Variants in PIK3C2G observed in about 807,000 individuals in gnomAD.
PIK3C2G encodes phosphatidylinositol-4-phosphate 3-kinase catalytic subunit type 2 gamma, also known as phosphatidylinositol 3-kinase C2 domain-containing subunit gamma.
In PIK3C2G, 168 loss-of-function variants were observed where a neutral mutation model predicts 181.1. The observed-to-expected ratio is 0.93, with a 90% confidence interval of 0.82 to 1.05. The LOEUF is 1.05. Ranked by LOEUF, PIK3C2G falls within the 50% of genes least tolerant of loss-of-function variation. PIK3C2G has a pLI of 0.00. For missense variants in PIK3C2G, 1,869 were observed against 1,732.8 expected, an observed-to-expected ratio of 1.08 and a Z score of -1.40; for synonymous variants, 573 against 592.2, an observed-to-expected ratio of 0.97 and a Z score of 0.47.
the PIK3C2G span, among the ~76,000 whole-genome samples, chr12:18,713,174 A>G: frequency 6.8e-3 from 1,040 of 152,274 alleles, 5 homozygotes; most frequent in African/African-American, 0.023. Flanking sequence ...GGGAAGACAC[A>G]TACTATCTGT....
At chr12:18,398,084 G>A (rs1944001596) in intron 15 of PIK3C2G, among the ~76,000 whole-genome samples, 1 of 152,072 alleles carries the variant, frequency 6.6e-6, no homozygotes, top group Non-Finnish European at 1.5e-5. Flanking sequence ...TATTTATCAA[G>A]AGAGAAAAAA....
At chr12:18,696,358 A>G in the PIK3C2G span, 1 of 250,764 alleles carries the variant, frequency 4.0e-6, no homozygotes, top group Non-Finnish European at 6.7e-6. Context: ...ATATCATATA[A>G]TTCTATAATA....
chr12:18,332,976 G>C (rs1021344951), intron 8 of PIK3C2G, among the ~76,000 whole-genome samples: 14 of 152,118 alleles, frequency 9.2e-5, no homozygotes, highest in Non-Finnish European at 1.8e-4. Context: ...CATGTGTCTT[G>C]GGCTTCCTGA....
At chr12:18,693,828 T>A in the PIK3C2G span, 1 of 1,529,938 alleles carries the variant, frequency 6.5e-7, no homozygotes, top group Non-Finnish European at 9.0e-7. Context: ...GGCAGGAAGA[T>A]TGAGTTCCCC....
chr12:18,588,373 A>G (rs1946899314), intron 29 of PIK3C2G, among the ~76,000 whole-genome samples: 2 of 152,028 alleles, frequency 1.3e-5, no homozygotes, highest in South Asian at 4.1e-4. Context: ...TCTAATATGC[A>G]CATCTATAAG....
At chr12:18,493,049 A>G (rs1408055755) in intron 20 of PIK3C2G, 2 of 152,348 alleles carry the variant, frequency 1.3e-5, no homozygotes, top group African/African-American at 4.8e-5. Flanking sequence ...AAACATTTGA[A>G]TCTATCCTCC....
At chr12:18,495,599 A>T (rs1015964147) in intron 20 of PIK3C2G, among the ~76,000 whole-genome samples, 2 of 152,192 alleles carry the variant, frequency 1.3e-5, no homozygotes, top group Non-Finnish European at 2.9e-5. Context: ...CAAATTAGTT[A>T]TAAAGCTTAG....
chr12:18,650,728 A>ATATC (rs1950466710), downstream of PIK3C2G, among the ~76,000 whole-genome samples: 4 of 23,464 alleles, frequency 1.7e-4, no homozygotes, highest in African/African-American at 3.4e-4. Context: ...ATATATATAT[A>ATATC]TATATATATA....
chr12:18,674,907 G>A, the PIK3C2G span, among the ~76,000 whole-genome samples: 1 of 152,126 alleles, frequency 6.6e-6, no homozygotes, highest in Non-Finnish European at 1.5e-5. Flanking sequence ...TGGGGAGAGA[G>A]AGAAGACTAG....
the PIK3C2G span, chr12:18,723,585 A>C: frequency 1.2e-5 from 16 of 1,389,020 alleles, no homozygotes; most frequent in Non-Finnish European, 1.5e-5. Flanking sequence ...TGAGTATAAA[A>C]AATACATAAA....
rs181832159 is a variant in PIK3C2G at position 18,297,100 on chromosome 12, T to C, written c.1034+3085T>C. 2.5e-3 allele frequency among the ~76,000 whole-genome samples: 377 copies of C among 152,164 alleles called. 1 individual carries two copies. The highest frequency in any genetic ancestry group is 8.7e-3 in the African/African-American group (360 of 41,534). Reference sequence around the variant, plus strand: ...ATTATATCTTTTCTTTCCTATTGAATGTAGCACAGATATGAGATCCTAGAA... The same window carrying C: ...ATTATATCTTTTCTTTCCTATTGAACGTAGCACAGATATGAGATCCTAGAA... On this transcript the variant is annotated intron_variant, in intron 5 of 32. Coordinates refer to ENST00000538779, the MANE Select transcript of PIK3C2G (RefSeq NM_001288772.2).
chr12:18,600,670 C>A (rs1211998152), intron 30 of PIK3C2G, among the ~76,000 whole-genome samples: 3 of 151,898 alleles, frequency 2.0e-5, no homozygotes, highest in African/African-American at 7.2e-5. Context: ...ACTACCTGTT[C>A]AACTCCATGA....
At chr12:18,256,492 C>T (rs951854630) in intron 1 of PIK3C2G, among the ~76,000 whole-genome samples, 4 of 152,200 alleles carry the variant, frequency 2.6e-5, no homozygotes, top group South Asian at 2.1e-4. Flanking sequence ...TCAGCCTAAC[C>T]TTCGAAACTA....
chr12:18,282,303 AG>A lies in PIK3C2G; in HGVS notation c.225del (p.His76IlefsTer3). ...VPTAPKWDST[G>X]HSLNEAHQIS... is the part of the protein sequence containing the mutation. ...CCACTGCACCAAAATGGGACTCAAC[AG>A]GGCATTCATTAAATGAAGCACACCA... On this transcript the variant is annotated frameshift_variant, in exon 2 of 33. Coordinates refer to ENST00000538779, the MANE Select transcript of PIK3C2G (RefSeq NM_001288772.2). LOFTEE classifies it high-confidence loss of function. 6.2e-7 allele frequency: 1 copy of A among 1,613,384 alleles called. No individual in the cohort carries two copies.
At chr12:18,286,205 C>T (rs2069002658) in intron 2 of PIK3C2G, among the ~76,000 whole-genome samples, 1 of 152,014 alleles carries the variant, frequency 6.6e-6, no homozygotes, top group Non-Finnish European at 1.5e-5. Context: ...TACATGCACT[C>T]ACTGACCAAG....
downstream of PIK3C2G, among the ~76,000 whole-genome samples, chr12:18,650,938 C>G (rs1950486643): frequency 6.6e-6 from 1 of 151,582 alleles, no homozygotes; most frequent in African/African-American, 2.4e-5. Context: ...TATGCTTACT[C>G]TGCTCCTTAT....
rs113898419 is a variant in PIK3C2G, at chr12:18,367,527, G to C, written c.1749-3653G>C. Reference sequence around the variant, plus strand: ...ACAGTGTCATAAAGATACTACAAGAGACTGGGTAATTTTTTATTTTTATTT... The same window carrying C: ...ACAGTGTCATAAAGATACTACAAGACACTGGGTAATTTTTTATTTTTATTT... On this transcript the variant is annotated intron_variant, in intron 12 of 32. Coordinates refer to ENST00000538779, the MANE Select transcript of PIK3C2G (RefSeq NM_001288772.2). 2.2e-3 allele frequency among the ~76,000 whole-genome samples: 334 copies of C among 152,154 alleles called. 2 individuals carry two copies. Among genetic ancestry groups the C allele is most frequent in the Admixed American group, 4.5e-3 (69 of 15,264 alleles).
intron 11 of PIK3C2G, among the ~76,000 whole-genome samples, chr12:18,359,176 A>T (rs1182050739): frequency 6.6e-6 from 1 of 152,042 alleles, no homozygotes; most frequent in Non-Finnish European, 1.5e-5. Context: ...TGCCCTTTTG[A>T]TTTCTTCTTT....
chr12:18,652,920 A>G (rs1231839457), downstream of PIK3C2G, among the ~76,000 whole-genome samples: 1 of 151,966 alleles, frequency 6.6e-6, no homozygotes, highest in East Asian at 1.9e-4. Flanking sequence ...GAATATACAT[A>G]TTCTGTCTCA....
Sources: allele counts gnomAD v4.1 joint callset (sites outside exome capture counted in the v4.1 genomes callset), GRCh38; gene constraint gnomAD v4.1.1; transcripts MANE v1.5; gene names NCBI Gene and HGNC (gene_info 2026-07-23, HGNC 2026-07-21).